ADGRB3: variants seen among roughly 807,000 people sequenced by gnomAD.
The protein encoded by ADGRB3 is brain-specific angiogenesis inhibitor 3.
A neutral mutation model predicts 193.4 loss-of-function variants in ADGRB3; 37 were observed. The ratio of observed to expected loss-of-function variants is 0.19; its 90% CI spans 0.15 to 0.25. The LOEUF (loss-of-function observed/expected upper bound fraction) is 0.25. Ranked by LOEUF, ADGRB3 falls within the 10% of genes least tolerant of loss-of-function variation. ADGRB3 has a pLI of 1.00. For missense variants in ADGRB3, 1,637 were observed against 1,852.9 expected, an observed-to-expected ratio of 0.88 and a Z score of 2.14; for synonymous variants, 690 against 644.2, an observed-to-expected ratio of 1.07 and a Z score of -1.08.
chr6:69,351,400 C>G (rs1018351145), intron 26 of ADGRB3, among the ~76,000 whole-genome samples: 2 of 151,842 alleles, frequency 1.3e-5, no homozygotes, highest in Admixed American at 1.3e-4. Context: ...CCCCCAGATA[C>G]GTTTTTAAGA....
intron 3 of ADGRB3, among the ~76,000 whole-genome samples, chr6:68,888,876 A>C (rs1396341927): frequency 6.6e-6 from 1 of 152,208 alleles, no homozygotes; most frequent in Non-Finnish European, 1.5e-5. Flanking sequence ...AGCATGTTCA[A>C]GGGTTATTTA....
intron 20 of ADGRB3, among the ~76,000 whole-genome samples, chr6:69,296,636 C>A (rs543867588): frequency 6.6e-6 from 1 of 152,222 alleles, no homozygotes; most frequent in South Asian, 2.1e-4. Context: ...TCTTTGGAAA[C>A]AGATGGCCAT....
intron 17 of ADGRB3, among the ~76,000 whole-genome samples, chr6:69,129,979 C>T (rs1262195571): frequency 1.3e-5 from 2 of 152,066 alleles, no homozygotes; most frequent in Admixed American, 6.6e-5. Context: ...TACCGAAATA[C>T]TGGAAAATCC....
intron 3 of ADGRB3, among the ~76,000 whole-genome samples, chr6:68,825,617 T>G (rs12175526): frequency 0.13 from 20,217 of 152,090 alleles, 2,409 homozygotes; most frequent in East Asian, 0.64. Flanking sequence ...AATCCCTATG[T>G]GTCAAGGGAG....
Position 68,817,304 on chromosome 6 carries a change from CATGTAT to C in ADGRB3, c.758-113252_758-113247del, listed in dbSNP as rs1269524351. 8.2e-3 allele frequency among the ~76,000 whole-genome samples: 470 copies of C among 57,102 alleles called. 21 individuals carry two copies. The highest frequency in any genetic ancestry group is 0.014 in the Non-Finnish European group (350 of 25,404). 37.5% of individuals were successfully genotyped at this position (57,102 alleles called of 152,430 possible). A position where few individuals can be genotyped will look rare whatever the true frequency, so the allele number is the denominator to read the frequency against. On this transcript the variant is annotated intron_variant, in intron 3 of 31. Coordinates refer to ENST00000370598, the MANE Select transcript of ADGRB3 (RefSeq NM_001704.3). ...AAGGTATTTATTATTCCCTTTTGTCCATGTATATATATATATATATATATATATATA... is the reference window on the plus strand; with the variant it reads ...AAGGTATTTATTATTCCCTTTTGTCCATATATATATATATATATATATATA...
chr6:69,013,957 C>T (rs971295970), intron 11 of ADGRB3, 81 bp from the exon 12 acceptor site: 32 of 866,068 alleles, frequency 3.7e-5, no homozygotes, highest in African/African-American at 3.1e-4. Context: ...ACCTTTACCA[C>T]GTAGTCAACC....
At chr6:69,067,905 G>A (rs563451526) in intron 16 of ADGRB3, among the ~76,000 whole-genome samples, 1 of 152,198 alleles carries the variant, frequency 6.6e-6, no homozygotes, top group East Asian at 1.9e-4. Flanking sequence ...AAACACTTTA[G>A]TATGATTGTG....
chr6:69,332,075 A>G (rs1292278912), intron 23 of ADGRB3: 4 of 985,298 alleles, frequency 4.1e-6, no homozygotes, highest in Middle Eastern at 5.2e-4. Context: ...AAAGGCAAAA[A>G]GAAGAACATA....
intron 3 of ADGRB3, among the ~76,000 whole-genome samples, chr6:68,838,331 T>G (rs572246040): frequency 6.6e-6 from 1 of 152,200 alleles, no homozygotes; most frequent in Non-Finnish European, 1.5e-5. Flanking sequence ...ATTTATAAAC[T>G]GTAAAACTCG....
rs750710977 is a variant in ADGRB3 at position 69,018,419 on chromosome 6, A to G, written c.2027A>G (p.Gln676Arg). 6.2e-7 allele frequency: 1 copy of G among 1,607,096 alleles called. No homozygotes were observed. Among genetic ancestry groups the G allele is most frequent in the Non-Finnish European group, 8.5e-7 (1 of 1,174,778 alleles). ...TATCCAGGGTCAATAGAGTTAATGC[A>G]GGTGATTGAAGATTTTATACACATT... ...QIYPGSIELMQVIEDFIHIVG... is the reference protein window; with the variant it reads ...QIYPGSIELMRVIEDFIHIVG... The change falls in exon 13 of 32, where the codon CAG becomes CGG. Residue 676 changes from glutamine (Q) to arginine (R), a missense_variant. This residue lies in a region of ADGRB3 where 641 missense variants were observed against 673.9 expected (regional missense o/e 0.95). Coordinates refer to ENST00000370598, the MANE Select transcript of ADGRB3 (RefSeq NM_001704.3).
At chr6:68,986,964 CA>C (rs1769094522) in intron 10 of ADGRB3, among the ~76,000 whole-genome samples, 1 of 152,034 alleles carries the variant, frequency 6.6e-6, no homozygotes, top group African/African-American at 2.4e-5. Flanking sequence ...TGACCCTCTC[CA>C]CATCTCTCTA....
intron 17 of ADGRB3, among the ~76,000 whole-genome samples, chr6:69,128,743 ACCATCTTCAAGGAACTTGG>A: frequency 6.6e-6 from 1 of 152,170 alleles, no homozygotes; most frequent in East Asian, 1.9e-4. Flanking sequence ...CTATTTTCAG[ACCATCTTCAAGGAACTTGG>A]TTATTCCAGT....
At chr6:69,114,786 CT>C (rs1473664958) in intron 17 of ADGRB3, among the ~76,000 whole-genome samples, 1 of 152,076 alleles carries the variant, frequency 6.6e-6, no homozygotes, top group African/African-American at 2.4e-5. Context: ...CCCATTGCTT[CT>C]TTTTGTCAGG....
At chr6:69,364,544 G>A (rs1769527891) in intron 29 of ADGRB3, among the ~76,000 whole-genome samples, 1 of 152,014 alleles carries the variant, frequency 6.6e-6, no homozygotes, top group Admixed American at 6.6e-5. Context: ...TTTTCTCTGA[G>A]CCTAATAGTA....
intron 3 of ADGRB3, among the ~76,000 whole-genome samples, chr6:68,640,196 G>A (rs1009523844): frequency 2.0e-5 from 3 of 152,136 alleles, no homozygotes; most frequent in African/African-American, 7.2e-5. Context: ...CCTCTTGAGA[G>A]TGAATTTTTG....
chr6:69,272,591 A>G (rs1767205195), intron 20 of ADGRB3, among the ~76,000 whole-genome samples: 2 of 152,174 alleles, frequency 1.3e-5, no homozygotes, highest in Non-Finnish European at 2.9e-5. Context: ...TGGGCCTTAA[A>G]TGTTATAGTA....
intron 3 of ADGRB3, among the ~76,000 whole-genome samples, chr6:68,675,577 C>T (rs1769069513): frequency 6.6e-6 from 1 of 152,060 alleles, no homozygotes; most frequent in African/African-American, 2.4e-5. Flanking sequence ...AGACAACTCA[C>T]AGGAAAAGCT....
At chr6:68,799,301 G>C (rs896208186) in intron 3 of ADGRB3, among the ~76,000 whole-genome samples, 1 of 152,226 alleles carries the variant, frequency 6.6e-6, no homozygotes, top group South Asian at 2.1e-4. Context: ...TTGGCTCATT[G>C]GATTTGAGTA....
rs1768065402 is a variant in ADGRB3 at position 68,956,148 on chromosome 6, A to G, written c.1320A>G (p.Pro440=). ...ATGGAGGCTCCGAATGCAGAGGGCC[A>G]TGGGCAGAAAGCAGAGAGTGCTATA... ...AAHGGSECRG[P]WAESRECYNP... The change falls in exon 7 of 32, where the codon CCA becomes CCG. Residue 440 remains proline (P), a synonymous_variant. Transcript: ENST00000370598. 1.2e-6 allele frequency: 2 copies of G among 1,613,922 alleles called. No homozygotes were observed. The highest frequency in any genetic ancestry group is 2.7e-5 in the African/African-American group (2 of 75,048).
Sources: allele counts gnomAD v4.1 joint callset (sites outside exome capture counted in the v4.1 genomes callset), GRCh38; gene constraint gnomAD v4.1.1; regional missense constraint gnomAD v4.1.1; transcripts MANE v1.5; gene names NCBI Gene and HGNC (gene_info 2026-07-23, HGNC 2026-07-21).